Variants in PTBP3 observed in about 807,000 individuals in gnomAD.
PTBP3 encodes the protein polypyrimidine tract binding protein 3.
A neutral mutation model predicts 58.7 loss-of-function variants in PTBP3; 20 were observed. The observed-to-expected ratio is 0.34, with a 90% CI of 0.24 to 0.50. PTBP3 has a LOEUF of 0.50. Ranked by LOEUF, PTBP3 falls within the 20% of genes least tolerant of loss-of-function variation. PTBP3 has a pLI of 0.98. For missense variants in PTBP3, 509 were observed against 637.2 expected, an observed-to-expected ratio of 0.80 and a Z score of 2.17; for synonymous variants, 185 against 219.8, an observed-to-expected ratio of 0.84 and a Z score of 1.40.
intron 1 of PTBP3, among the ~76,000 whole-genome samples, chr9:112,319,293 T>C (rs1297120682): frequency 3.3e-5 from 5 of 152,048 alleles, no homozygotes; most frequent in Non-Finnish European, 5.9e-5. Context: ...ATCCCAGCAT[T>C]CTGGGAGGCC....
the PTBP3 span, among the ~76,000 whole-genome samples, chr9:112,378,355 G>A: frequency 2.6e-5 from 4 of 152,186 alleles, no homozygotes; most frequent in African/African-American, 9.7e-5. Context: ...ACAAAATATC[G>A]TTATGACTGA....
intron 1 of PTBP3, among the ~76,000 whole-genome samples, chr9:112,307,528 TAAAC>T (rs1351074072): frequency 6.6e-6 from 1 of 152,170 alleles, no homozygotes; most frequent in South Asian, 2.1e-4. Flanking sequence ...TTATATAAAA[TAAAC>T]AAGACGTTTC....
intron 1 of PTBP3, among the ~76,000 whole-genome samples, chr9:112,299,198 T>C (rs3808879): frequency 0.48 from 73,573 of 152,050 alleles, 18,133 homozygotes; most frequent in African/African-American, 0.57. Flanking sequence ...CTAACAGATA[T>C]ATCTTCCACA....
chr9:112,379,694 G>T, the PTBP3 span, among the ~76,000 whole-genome samples: 49,339 of 152,044 alleles, frequency 0.32, 8,386 homozygotes, highest in Admixed American at 0.48. Context: ...GGGGCAAGAA[G>T]ACCCAGAGCT....
chr9:112,323,113 A>G (rs952315539), intron 1 of PTBP3, among the ~76,000 whole-genome samples: 3 of 152,234 alleles, frequency 2.0e-5, no homozygotes, highest in Non-Finnish European at 4.4e-5. Context: ...TTAGCCGGGC[A>G]TGGTGCCATG....
intron 4 of PTBP3, 45 bp downstream of exon 4, chr9:112,268,004 C>T: frequency 6.5e-7 from 1 of 1,539,302 alleles, no homozygotes; most frequent in Non-Finnish European, 8.8e-7. Flanking sequence ...AGTTATCATA[C>T]CATGTGTTCC....
At chr9:112,256,834 A>AT (rs945955394) in intron 5 of PTBP3, among the ~76,000 whole-genome samples, 18 of 141,538 alleles carry the variant, frequency 1.3e-4, no homozygotes, top group African/African-American at 4.8e-4. Flanking sequence ...GCAATATGTA[A>AT]TTTTTTTTCC....
chr9:112,304,189 C>A (rs957038183), intron 1 of PTBP3, among the ~76,000 whole-genome samples: 1 of 152,048 alleles, frequency 6.6e-6, no homozygotes, highest in African/African-American at 2.4e-5. Flanking sequence ...AAAATGTATC[C>A]ATTTTTAGTA....
chr9:112,297,168 T>C (rs1589883333), intron 2 of PTBP3, among the ~76,000 whole-genome samples: 2 of 152,216 alleles, frequency 1.3e-5, no homozygotes, highest in East Asian at 3.8e-4. Flanking sequence ...TATCGTCTTA[T>C]ACTTTAATAC....
intron 1 of PTBP3, among the ~76,000 whole-genome samples, chr9:112,314,074 T>C (rs949432939): frequency 2.6e-5 from 4 of 152,220 alleles, no homozygotes; most frequent in Non-Finnish European, 4.4e-5. Flanking sequence ...ATTTAAAGTA[T>C]ACAGCAGGAT....
intron 5 of PTBP3, among the ~76,000 whole-genome samples, chr9:112,253,606 C>T (rs1836223925): frequency 6.6e-6 from 1 of 152,154 alleles, no homozygotes; most frequent in African/African-American, 2.4e-5. Flanking sequence ...TGTCACCACC[C>T]AAATCTCATC....
chr9:112,323,099 A>T (rs1417453470), intron 1 of PTBP3, among the ~76,000 whole-genome samples: 1 of 152,218 alleles, frequency 6.6e-6, no homozygotes, highest in East Asian at 1.9e-4. Flanking sequence ...AAAATTGTTT[A>T]AAATTAGCCG....
Position 112,222,610 on chromosome 9 carries a change from G to C in PTBP3, c.*1241C>G, listed in dbSNP as rs879360301. 1.0e-6 allele frequency: 1 copy of C among 985,504 alleles called. No individual in the cohort carries two copies. Among genetic ancestry groups the C allele is most frequent in the Non-Finnish European group, 1.2e-6 (1 of 829,890 alleles). 61.0% of individuals were successfully genotyped at this position (985,504 alleles called of 1,614,324 possible). A position where few individuals can be genotyped will look rare whatever the true frequency, so the allele number is the denominator to read the frequency against. ...ATTCACCCTTCCCCACACCGTCTCT[G>C]CACCAAGCACCAAAAATTTGATAAA... On this transcript the variant is annotated 3_prime_UTR_variant, in exon 14 of 14. Transcript: ENST00000374257.
At chr9:112,284,448 C>T (rs1828016096) in intron 2 of PTBP3, among the ~76,000 whole-genome samples, 1 of 152,190 alleles carries the variant, frequency 6.6e-6, no homozygotes, top group Non-Finnish European at 1.5e-5. Context: ...ATAATCTCAG[C>T]ACTTGGGGAA....
chr9:112,343,066 T>C, the PTBP3 span, among the ~76,000 whole-genome samples: 1 of 152,172 alleles, frequency 6.6e-6, no homozygotes, highest in Non-Finnish European at 1.5e-5. Flanking sequence ...AAGTTGTTGG[T>C]TCCAGGGCTG....
intron 7 of PTBP3, among the ~76,000 whole-genome samples, chr9:112,246,692 CAA>C (rs1264620462): frequency 7.5e-5 from 8 of 107,162 alleles, no homozygotes; most frequent in Non-Finnish European, 4.0e-5. Context: ...GACTCTGTCT[CAA>C]AAAAAAAAAA....
intron 3 of PTBP3, among the ~76,000 whole-genome samples, chr9:112,269,586 C>T (rs938026439): frequency 2.5e-4 from 38 of 152,216 alleles, no homozygotes; most frequent in Admixed American, 1.2e-3. Flanking sequence ...TACTCATTAA[C>T]ACCTCTGAGC....
At chr9:112,315,995 G>A (rs1334053664) in intron 1 of PTBP3, among the ~76,000 whole-genome samples, 1 of 152,194 alleles carries the variant, frequency 6.6e-6, no homozygotes, top group Non-Finnish European at 1.5e-5. Flanking sequence ...ATCATTAAAT[G>A]ATTACATTAA....
In PTBP3 at chr9:112,297,887, G is replaced by A. The variant is rs757423158; in HGVS notation, c.-22C>T. Reference sequence around the variant, plus strand: ...TCATGGTAAAAGGTCCGTTAATGATGCCAGAAGAAAGAAGCTCATCAGATC... The same window carrying A: ...TCATGGTAAAAGGTCCGTTAATGATACCAGAAGAAAGAAGCTCATCAGATC... On this transcript the variant is annotated 5_prime_UTR_variant, in exon 2 of 14. Transcript: ENST00000374257. The A allele has an allele frequency of 6.2e-7, 1 of 1,612,354 alleles. No homozygotes were observed. The highest frequency in any genetic ancestry group is 1.1e-5 in the South Asian group (1 of 90,936).
Sources: gnomAD v4.1 joint callset for allele counts (sites outside exome capture counted in the v4.1 genomes callset) on GRCh38, gnomAD v4.1.1 for gene constraint, MANE v1.5 for transcripts, NCBI Gene and HGNC (gene_info 2026-07-23, HGNC 2026-07-21) for gene names.